The following PIK3C2G variants were observed in gnomAD, a reference collection of about 807,000 sequenced individuals.
PIK3C2G encodes the protein phosphatidylinositol-4-phosphate 3-kinase catalytic subunit type 2 gamma.
In PIK3C2G, 168 loss-of-function variants were observed where a neutral mutation model predicts 181.1. That is an observed-to-expected ratio of 0.93 (90% confidence interval 0.82 to 1.05). The LOEUF is 1.05. Among genes scored for constraint, PIK3C2G ranks in the 50% least tolerant of loss-of-function variants. The probability of loss-of-function intolerance (pLI) is 0.00; values close to 1 mark genes in which losing one functional copy is unlikely to be tolerated. For missense variants in PIK3C2G, 1,869 were observed against 1,732.8 expected (o/e 1.08, Z -1.40); for synonymous variants, 573 against 592.2 (o/e 0.97, Z 0.47).
At chr12:18,451,774 C>T (rs1448915863) in intron 18 of PIK3C2G, among the ~76,000 whole-genome samples, 1 of 152,118 alleles carries the variant, frequency 6.6e-6, no homozygotes, top group African/African-American at 2.4e-5. Context: ...GAGTTTTTAG[C>T]ATGAAGGGGT....
At chr12:18,436,497 T>C (rs974997309) in intron 18 of PIK3C2G, among the ~76,000 whole-genome samples, 8 of 152,066 alleles carry the variant, frequency 5.3e-5, no homozygotes, top group South Asian at 4.1e-4. Flanking sequence ...AGATTTGGTA[T>C]AGACAAACCC....
At chr12:18,720,270 A>G in the PIK3C2G span, among the ~76,000 whole-genome samples, 522 of 152,016 alleles carry the variant, frequency 3.4e-3, 5 homozygotes, top group African/African-American at 0.012. Context: ...TATCACTGAT[A>G]GGCATTTAGA....
intron 29 of PIK3C2G, among the ~76,000 whole-genome samples, chr12:18,577,743 T>C (rs1002757250): frequency 1.7e-4 from 26 of 152,198 alleles, no homozygotes; most frequent in African/African-American, 6.0e-4. Context: ...ATTAACGTAG[T>C]TGATTTTGCA....
At chr12:18,325,906 A>T (rs1951326692) in intron 8 of PIK3C2G, among the ~76,000 whole-genome samples, 1 of 152,082 alleles carries the variant, frequency 6.6e-6, no homozygotes, top group Non-Finnish European at 1.5e-5. Flanking sequence ...ATGATGTTCT[A>T]CTTTGTCAGC....
intron 5 of PIK3C2G, among the ~76,000 whole-genome samples, chr12:18,306,060 C>G (rs889505958): frequency 6.6e-6 from 1 of 150,632 alleles, no homozygotes; most frequent in African/African-American, 2.4e-5. Flanking sequence ...AACTTTTTTC[C>G]AGATTAAAAA....
chr12:18,303,900 C>T (rs1028107480), intron 5 of PIK3C2G, among the ~76,000 whole-genome samples: 33 of 150,760 alleles, frequency 2.2e-4, no homozygotes, highest in South Asian at 1.5e-3. Flanking sequence ...ATTTAATTGA[C>T]GGTTGTCAAG....
the PIK3C2G span, chr12:18,723,630 T>C: frequency 9.9e-7 from 1 of 1,012,226 alleles, no homozygotes. Flanking sequence ...CATGTAGTAA[T>C]TTATACTTGA....
At chr12:18,589,113 G>A (rs182104080) in intron 29 of PIK3C2G, among the ~76,000 whole-genome samples, 1 of 151,856 alleles carries the variant, frequency 6.6e-6, no homozygotes, top group Admixed American at 6.6e-5. Context: ...TAGGAGGAGA[G>A]AGAGGATCAG....
chr12:18,285,523 G>A (rs1346836273), intron 2 of PIK3C2G: 2 of 152,012 alleles, frequency 1.3e-5, no homozygotes, highest in Non-Finnish European at 2.9e-5. Context: ...AGGATTTATT[G>A]TGTATGTGGA....
chr12:18,337,819 C>A (rs1219566043), intron 8 of PIK3C2G, among the ~76,000 whole-genome samples: 1 of 152,134 alleles, frequency 6.6e-6, no homozygotes, highest in African/African-American at 2.4e-5. Context: ...CAAACTATAT[C>A]AGTAGATTAT....
chr12:18,501,126 G>C lies in PIK3C2G; in HGVS notation c.3017-2155G>C, dbSNP rs565814334. ...GCTGTAACACTCACCGCGAAGGTCC[G>C]CGGCTTCATTCTTGAAGTCAGTGAG... On this transcript the variant is annotated intron_variant, in intron 22 of 32. Coordinates refer to ENST00000538779, the MANE Select transcript of PIK3C2G (RefSeq NM_001288772.2). Among the ~76,000 whole-genome samples, 11 of 152,326 alleles carry C rather than the reference G, an allele frequency of 7.2e-5. No homozygotes were observed. The East Asian group carries it at 2.1e-3, about 29-fold the overall frequency.
At chr12:18,580,050 T>C (rs777847442) in intron 29 of PIK3C2G, among the ~76,000 whole-genome samples, 18 of 151,784 alleles carry the variant, frequency 1.2e-4, no homozygotes, top group Non-Finnish European at 2.1e-4. Flanking sequence ...GGAGAATTGC[T>C]TGAACCCACG....
intron 5 of PIK3C2G, among the ~76,000 whole-genome samples, chr12:18,302,174 T>C (rs533221658): frequency 6.6e-6 from 1 of 152,292 alleles, no homozygotes; most frequent in Non-Finnish European, 1.5e-5. Flanking sequence ...TCAGGTGAAC[T>C]GATGCTTGGG....
At chr12:18,566,390 A>G (rs538266535) in intron 28 of PIK3C2G, among the ~76,000 whole-genome samples, 1 of 152,328 alleles carries the variant, frequency 6.6e-6, no homozygotes, top group East Asian at 1.9e-4. Flanking sequence ...ATCCCACCTA[A>G]TAATTGGTCT....
At chr12:18,481,314 T>C (rs932280914) in intron 18 of PIK3C2G, among the ~76,000 whole-genome samples, 4 of 152,126 alleles carry the variant, frequency 2.6e-5, no homozygotes, top group Non-Finnish European at 5.9e-5. Flanking sequence ...GGCTCCCGGG[T>C]TGACCACGTT....
chr12:18,374,003 A>T (rs1344280933), intron 13 of PIK3C2G, among the ~76,000 whole-genome samples: 38 of 152,214 alleles, frequency 2.5e-4, no homozygotes, highest in Non-Finnish European at 7.3e-5. Flanking sequence ...AGCAATTTCC[A>T]TGAGCTTCCT....
intron 18 of PIK3C2G, among the ~76,000 whole-genome samples, chr12:18,434,891 C>A (rs1388538184): frequency 2.0e-5 from 3 of 151,954 alleles, no homozygotes; most frequent in African/African-American, 7.2e-5. Flanking sequence ...TAAGAATCAT[C>A]ATTTTAATAG....
intron 16 of PIK3C2G, among the ~76,000 whole-genome samples, chr12:18,411,254 T>A (rs1404685280): frequency 6.6e-6 from 1 of 152,192 alleles, no homozygotes; most frequent in East Asian, 1.9e-4. Flanking sequence ...AAGTCCTTGC[T>A]AGGGGTGCTG....
intron 14 of PIK3C2G, among the ~76,000 whole-genome samples, chr12:18,385,741 G>C (rs1246092182): frequency 6.6e-6 from 1 of 151,928 alleles, no homozygotes; most frequent in East Asian, 1.9e-4. Flanking sequence ...GCTAATTTTT[G>C]TATCTTAGTA....
Sources: allele counts gnomAD v4.1 joint callset (sites outside exome capture counted in the v4.1 genomes callset), GRCh38; gene constraint gnomAD v4.1.1; transcripts MANE v1.5; gene names NCBI Gene and HGNC (gene_info 2026-07-23, HGNC 2026-07-21).